C8orf34: variants seen among roughly 807,000 people sequenced by gnomAD.
C8orf34 encodes chromosome 8 open reading frame 34.
C8orf34 carries 65 observed loss-of-function variants against 68.3 expected under a neutral mutation model. That is an observed-to-expected ratio of 0.95 (90% confidence interval 0.78 to 1.17). C8orf34 has a LOEUF of 1.17. Among genes scored for constraint, C8orf34 ranks in the 50% most tolerant of loss-of-function variants. The pLI, the probability that C8orf34 is intolerant of heterozygous loss-of-function variation, is 0.00. For missense variants in C8orf34, 664 were observed against 655.4 expected, an observed-to-expected ratio of 1.01 and a Z score of -0.14; for synonymous variants, 244 against 241.2, an observed-to-expected ratio of 1.01 and a Z score of -0.11.
At chr8:68,809,784 G>A (rs1056906069) in intron 12 of C8orf34, among the ~76,000 whole-genome samples, 2 of 152,148 alleles carry the variant, frequency 1.3e-5, no homozygotes, top group Non-Finnish European at 2.9e-5. Flanking sequence ...TATTTCCATT[G>A]TTTGAGCTAG....
At chr8:68,583,126 A>G (rs763314257) in intron 7 of C8orf34, among the ~76,000 whole-genome samples, 26 of 152,122 alleles carry the variant, frequency 1.7e-4, no homozygotes, top group Non-Finnish European at 2.8e-4. Flanking sequence ...TAATCAGCTC[A>G]AAATAATCCT....
intron 7 of C8orf34, among the ~76,000 whole-genome samples, chr8:68,542,870 C>G (rs1815747561): frequency 6.6e-6 from 1 of 152,184 alleles, no homozygotes; most frequent in Admixed American, 6.5e-5. Flanking sequence ...AGTAGCAAAC[C>G]TGATTGTTCC....
At chr8:68,492,512 C>T (rs1235001549) in intron 5 of C8orf34, among the ~76,000 whole-genome samples, 1 of 152,042 alleles carries the variant, frequency 6.6e-6, no homozygotes, top group Non-Finnish European at 1.5e-5. Context: ...CATGAGCCAC[C>T]ATGCCAGGCT....
intron 1 of C8orf34, among the ~76,000 whole-genome samples, chr8:68,376,951 G>T (rs1034785712): frequency 1.3e-5 from 2 of 152,174 alleles, no homozygotes; most frequent in Non-Finnish European, 2.9e-5. Flanking sequence ...TAGGGATTTG[G>T]ATCTCAGAGT....
At chr8:68,499,855 C>T (rs1258778224) in intron 5 of C8orf34, among the ~76,000 whole-genome samples, 1 of 152,154 alleles carries the variant, frequency 6.6e-6, no homozygotes, top group Non-Finnish European at 1.5e-5. Flanking sequence ...GAAATGTAAT[C>T]CCCAGTGTTG....
intron 1 of C8orf34, among the ~76,000 whole-genome samples, chr8:68,434,565 G>T (rs777895389): frequency 6.6e-6 from 1 of 152,096 alleles, no homozygotes; most frequent in Non-Finnish European, 1.5e-5. Context: ...CATTTGCATT[G>T]GTTCCGAGTC....
intron 4 of C8orf34, among the ~76,000 whole-genome samples, chr8:68,484,992 G>C (rs901163482): frequency 2.0e-5 from 3 of 152,134 alleles, no homozygotes; most frequent in African/African-American, 7.2e-5. Flanking sequence ...ATAATTAAAG[G>C]CATAATTCTT....
At chr8:68,513,775 G>C (rs77296814) in intron 5 of C8orf34, among the ~76,000 whole-genome samples, 3,232 of 152,290 alleles carry the variant, frequency 0.021, 123 homozygotes, top group African/African-American at 0.073. Context: ...CCAGTTGGCT[G>C]TGTGGGACCT....
chr8:68,727,670 A>G (rs935221885), intron 10 of C8orf34, among the ~76,000 whole-genome samples: 6 of 152,220 alleles, frequency 3.9e-5, no homozygotes, highest in South Asian at 2.1e-4. Flanking sequence ...CCAAACCTCA[A>G]TTCTTGACTT....
chr8:68,456,458 T>C (rs1811557118), intron 3 of C8orf34, among the ~76,000 whole-genome samples: 1 of 152,314 alleles, frequency 6.6e-6, no homozygotes, highest in South Asian at 2.1e-4. Context: ...ATTTATGCTA[T>C]GTGAATGAGT....
chr8:68,596,850 C>T (rs1489768439), intron 7 of C8orf34, among the ~76,000 whole-genome samples: 4 of 152,110 alleles, frequency 2.6e-5, no homozygotes, highest in African/African-American at 9.7e-5. Context: ...TAGTCCAGAA[C>T]AAAAGGCTGA....
At chr8:68,677,901 C>T (rs1278914593) in intron 8 of C8orf34, among the ~76,000 whole-genome samples, 1 of 152,020 alleles carries the variant, frequency 6.6e-6, no homozygotes, top group Non-Finnish European at 1.5e-5. Flanking sequence ...AAAAAGGAGA[C>T]ATTACAACCA....
chr8:68,415,211 TGGGTCACGCCTATA>T (rs1346762802), intron 1 of C8orf34, among the ~76,000 whole-genome samples: 1 of 151,940 alleles, frequency 6.6e-6, no homozygotes, highest in Non-Finnish European at 1.5e-5. Context: ...CTGGGCACGG[TGGGTCACGCCTATA>T]ATCCCAGCAC....
At chr8:68,783,523 CAA>C (rs775189886) in intron 11 of C8orf34, among the ~76,000 whole-genome samples, 5,610 of 53,348 alleles carry the variant, frequency 0.11, 153 homozygotes, top group East Asian at 0.36. Flanking sequence ...GACTTCATCT[CAA>C]AAAAAAAAAA....
intron 1 of C8orf34, among the ~76,000 whole-genome samples, chr8:68,409,892 ATACT>A (rs1224114849): frequency 5.3e-5 from 8 of 152,310 alleles, no homozygotes; most frequent in Non-Finnish European, 1.5e-5. Context: ...AGATACACAA[ATACT>A]TACCACTGTG....
At chr8:68,450,031 G>A (rs1325013523) in intron 3 of C8orf34, among the ~76,000 whole-genome samples, 1 of 152,106 alleles carries the variant, frequency 6.6e-6, no homozygotes, top group Non-Finnish European at 1.5e-5. Flanking sequence ...AATATTTTAA[G>A]TTGATGCAGT....
chr8:68,522,611 A>G (rs1444058963), intron 6 of C8orf34, among the ~76,000 whole-genome samples: 1 of 152,310 alleles, frequency 6.6e-6, no homozygotes, highest in East Asian at 1.9e-4. Flanking sequence ...ATGTGCTGGT[A>G]ATAGTGAATT....
At chr8:68,715,487 G>A (rs1437578844) in intron 9 of C8orf34, among the ~76,000 whole-genome samples, 2 of 152,094 alleles carry the variant, frequency 1.3e-5, no homozygotes, top group Admixed American at 1.3e-4. Flanking sequence ...TTTCTCAAAA[G>A]AGGATATATG....
intron 11 of C8orf34, among the ~76,000 whole-genome samples, chr8:68,779,066 C>G (rs1823600098): frequency 6.6e-6 from 1 of 151,866 alleles, no homozygotes; most frequent in South Asian, 2.1e-4. Context: ...AGTCTCAGCT[C>G]TTCAGGAAGC....
Sources: allele counts gnomAD v4.1 joint callset (sites outside exome capture counted in the v4.1 genomes callset), GRCh38; gene constraint gnomAD v4.1.1; transcripts MANE v1.5; gene names NCBI Gene and HGNC (gene_info 2026-07-23, HGNC 2026-07-21).